CMYA5: variants seen among roughly 807,000 people sequenced by gnomAD.
The protein encoded by CMYA5 is cardiomyopathy-associated protein 5.
A neutral mutation model predicts 318.9 loss-of-function variants in CMYA5; 246 were observed. That is an observed-to-expected ratio of 0.77 (90% CI 0.70 to 0.86). The LOEUF (loss-of-function observed/expected upper bound fraction) is 0.86. Ranked by LOEUF, CMYA5 falls within the 40% of genes least tolerant of loss-of-function variation. CMYA5 has a pLI of 0.00. For missense variants in CMYA5, 4,589 were observed against 4,678.2 expected, an observed-to-expected ratio of 0.98 and a Z score of 0.56; for synonymous variants, 1,641 against 1,729.5, an observed-to-expected ratio of 0.95 and a Z score of 1.27.
intron 1 of CMYA5, among the ~76,000 whole-genome samples, chr5:79,716,730 T>C (rs1376664689): frequency 6.6e-6 from 1 of 152,178 alleles, no homozygotes; most frequent in Admixed American, 6.5e-5. Context: ...AGAACACTGA[T>C]TGTGTCTAGT....
chr5:79,691,149 T>C (rs1308091753), intron 1 of CMYA5, among the ~76,000 whole-genome samples: 2 of 152,128 alleles, frequency 1.3e-5, no homozygotes, highest in Non-Finnish European at 2.9e-5. Flanking sequence ...CTATGGGTAC[T>C]GTGCAAGGGC....
chr5:79,753,212 C>A (rs747449838), intron 6 of CMYA5, among the ~76,000 whole-genome samples: 1 of 152,116 alleles, frequency 6.6e-6, no homozygotes, highest in Non-Finnish European at 1.5e-5. Context: ...CTCTTCAATT[C>A]AGTTCTTTTC....
At chr5:79,723,386 C>A (rs1289356216) in intron 1 of CMYA5, among the ~76,000 whole-genome samples, 1 of 149,926 alleles carries the variant, frequency 6.7e-6, no homozygotes, top group African/African-American at 2.5e-5. Context: ...TTGCAGTGAG[C>A]CAAGAAAACA....
At chr5:79,742,690 T>C (rs149153649) in intron 2 of CMYA5, among the ~76,000 whole-genome samples, 2 of 151,664 alleles carry the variant, frequency 1.3e-5, no homozygotes, top group Non-Finnish European at 2.9e-5. Flanking sequence ...ATTTACTCAC[T>C]CCCTTCCTGC....
chr5:79,787,778 G>A (rs184738049), intron 9 of CMYA5, among the ~76,000 whole-genome samples: 164 of 152,296 alleles, frequency 1.1e-3, no homozygotes, highest in African/African-American at 3.8e-3. Flanking sequence ...GGTCAGGGTG[G>A]GGTGGTTATT....
rs150802939 is a variant in CMYA5 at position 79,729,126 on chromosome 5, G to A, written c.361G>A (p.Val121Ile). ...GSTVNSPPGNVSFIVDEVKKV... is the reference protein window; with the variant it reads ...GSTVNSPPGNISFIVDEVKKV... ...AACTGTGAATTCTCCTCCTGGAAAT[G>A]TTTCCTTTATTGTGGATGAAGTGAA... The change falls in exon 2 of 13, where the codon GTT (valine) becomes ATT (isoleucine). Residue 121 changes from valine (V) to isoleucine (I), a missense_variant. Coordinates refer to ENST00000446378, the MANE Select transcript of CMYA5 (RefSeq NM_153610.5). 2 of 1,613,354 alleles carry A rather than the reference G, an allele frequency of 1.2e-6. No individual in the cohort carries two copies. Among genetic ancestry groups the A allele is most frequent in the East Asian group, 2.2e-5 (1 of 44,868 alleles).
chr5:79,691,152 G>C (rs780320757), intron 1 of CMYA5, among the ~76,000 whole-genome samples: 5 of 152,182 alleles, frequency 3.3e-5, no homozygotes, highest in Non-Finnish European at 7.4e-5. Context: ...TGGGTACTGT[G>C]CAAGGGCAGA....
At chr5:79,788,582 G>A (rs1322245289) in intron 9 of CMYA5, among the ~76,000 whole-genome samples, 3 of 150,218 alleles carry the variant, frequency 2.0e-5, no homozygotes, top group African/African-American at 7.3e-5. Flanking sequence ...GGTGGCTTTA[G>A]CATGATGATC....
intron 11 of CMYA5, among the ~76,000 whole-genome samples, chr5:79,791,708 T>G (rs1829183012): frequency 8.3e-6 from 1 of 120,898 alleles, no homozygotes. Context: ...AGTGAGACTC[T>G]GTCTCAAAAA....
chr5:79,731,847 A>T lies in CMYA5; in HGVS notation c.3082A>T (p.Thr1028Ser). Reference sequence around the variant, plus strand: ...TGAACTTGAGCCTGATTCACTATTAACTGCAGTGTCTGCTTCAGGTTATTC... The same window carrying T: ...TGAACTTGAGCCTGATTCACTATTATCTGCAGTGTCTGCTTCAGGTTATTC... ...KNELEPDSLL[T>S]AVSASGYSCF... Residue 1028 changes from threonine to serine, a missense_variant, in exon 2 of 13, where the codon ACT becomes TCT. Transcript: ENST00000446378. 6.2e-7 allele frequency: 1 copy of T among 1,613,306 alleles called. No homozygotes were observed. Among genetic ancestry groups the T allele is most frequent in the Non-Finnish European group, 8.5e-7 (1 of 1,179,746 alleles).
intron 1 of CMYA5, among the ~76,000 whole-genome samples, chr5:79,695,770 T>C (rs533076682): frequency 3.3e-5 from 5 of 152,370 alleles, no homozygotes; most frequent in African/African-American, 9.6e-5. Flanking sequence ...AGGATATTAA[T>C]AGAGGAATAT....
chr5:79,726,274 T>G (rs954687042), intron 1 of CMYA5, among the ~76,000 whole-genome samples: 3 of 152,234 alleles, frequency 2.0e-5, no homozygotes, highest in South Asian at 2.1e-4. Flanking sequence ...TTATAATGCT[T>G]CTACATTCAT....
In CMYA5 at chr5:79,799,405, T is replaced by A; in HGVS notation, c.11999T>A (p.Val4000Asp). ...TFFYSGIVSD[V>D]HVTERPARVG... ...TTCTACAGTGGTATTGTGAGTGATG[T>A]TCATGTGACTGAGCGTCCAGCCAGA... is the stretch of plus-strand genomic sequence containing the variant. The change falls in exon 13 of 13, where the codon GTT becomes GAT. Residue 4000 changes from valine to aspartate, a missense_variant. Val to Asp is a radical substitution (Grantham distance 152, BLOSUM62 -3). This residue lies in a region of CMYA5 where 2,431 missense variants were observed against 2,495.1 expected (regional missense o/e 0.97). Coordinates refer to ENST00000446378, the MANE Select transcript of CMYA5 (RefSeq NM_153610.5). The A allele has an allele frequency of 6.2e-7, 1 of 1,613,336 alleles. No homozygotes were observed.
In CMYA5 at chr5:79,799,665, G is replaced by C. The variant is rs544351662; in HGVS notation, c.*49G>C. 2.7e-5 allele frequency: 42 copies of C among 1,566,606 alleles called. No homozygotes were observed. The highest frequency in any genetic ancestry group is 3.6e-5 in the Non-Finnish European group (42 of 1,152,134). ...GAACAGCGATTTGAATTTTGGGGGG[G>C]TCTGCTGTTCATTCCTTTAGGTGCT... is the stretch of plus-strand genomic sequence containing the variant. On this transcript the variant is annotated 3_prime_UTR_variant, in exon 13 of 13. Transcript: ENST00000446378.
In CMYA5 at chr5:79,737,867, T is replaced by C; in HGVS notation, c.9102T>C (p.Asp3034=). Residue 3034 remains aspartate (D), a synonymous_variant, in exon 2 of 13, where the codon GAT becomes GAC. Transcript: ENST00000446378. ...THKTKEEIST[D]SETDLSFIQP... ...AGACAAAAGAAGAGATATCCACAGA[T>C]TCAGAAACTGATTTATCATTTATTC... The C allele has an allele frequency of 6.3e-7, 1 of 1,598,808 alleles. No homozygotes were observed. Among genetic ancestry groups the C allele is most frequent in the Non-Finnish European group, 8.5e-7 (1 of 1,176,172 alleles).
chr5:79,719,910 G>T (rs752616302), intron 1 of CMYA5, among the ~76,000 whole-genome samples: 1 of 152,182 alleles, frequency 6.6e-6, no homozygotes, highest in Non-Finnish European at 1.5e-5. Context: ...GCAATGAAAA[G>T]AATGGAAATT....
chr5:79,733,380 A>G lies in CMYA5; in HGVS notation c.4615A>G (p.Lys1539Glu), dbSNP rs2151085980. The G allele has an allele frequency of 6.2e-7, 1 of 1,613,480 alleles. No individual in the cohort carries two copies. Among genetic ancestry groups the G allele is most frequent in the East Asian group, 2.2e-5 (1 of 44,884 alleles). ...ACTCAGCCTATGGGGTGAGATAAAG[A>G]AGAAAGAAACTGAACTTCCTTCATC... is the stretch of plus-strand genomic sequence containing the variant. ...LPLSLWGEIK[K>E]KETELPSSQN... Residue 1539 changes from lysine (K) to glutamate (E), a missense_variant, in exon 2 of 13, where the codon AAG becomes GAG. This residue lies in a region of CMYA5 where 2,132 missense variants were observed against 2,131.3 expected (regional missense o/e 1.00). Coordinates refer to ENST00000446378, the MANE Select transcript of CMYA5 (RefSeq NM_153610.5).
In CMYA5 at chr5:79,793,439, T is replaced by C; in HGVS notation, c.11792T>C (p.Ile3931Thr). 2 of 1,608,866 alleles carry C rather than the reference T, an allele frequency of 1.2e-6. No individual in the cohort carries two copies. The highest frequency in any genetic ancestry group is 1.7e-6 in the Non-Finnish European group (2 of 1,175,848). Residue 3931 changes from isoleucine to threonine, a missense_variant and splice_region_variant, in exon 12 of 13, where the codon ATC becomes ACC. By Grantham distance (89) the Ile-to-Thr change is moderately conservative (BLOSUM62 -1). Coordinates refer to ENST00000446378, the MANE Select transcript of CMYA5 (RefSeq NM_153610.5). ...SFGERRRLTEIPSVLGEELPS... is the reference protein window; with the variant it reads ...SFGERRRLTETPSVLGEELPS... ...ACTCTGATTGACTTCACCCACAGAA[T>C]CCCGTCAGTGCTGGGTGAGGAGCTG...
intron 9 of CMYA5, chr5:79,763,538 A>G: frequency 3.8e-6 from 1 of 261,336 alleles, no homozygotes; most frequent in Non-Finnish European, 7.4e-6. Context: ...TAGCTATATC[A>G]GAATCCGTAC....
Sources: allele counts gnomAD v4.1 joint callset (sites outside exome capture counted in the v4.1 genomes callset), GRCh38; gene constraint gnomAD v4.1.1; regional missense constraint gnomAD v4.1.1; transcripts MANE v1.5; gene names NCBI Gene and HGNC (gene_info 2026-07-23, HGNC 2026-07-21).